Variants in CFAP47 observed in about 807,000 individuals in gnomAD.
CFAP47 encodes cilia and flagella associated protein 47.
In CFAP47, 29 loss-of-function variants were observed where a neutral mutation model predicts 148.1. The ratio of observed to expected loss-of-function variants is 0.20; its 90% CI spans 0.15 to 0.27. CFAP47 has a LOEUF of 0.27. CFAP47 is among the 10% of genes least tolerant of loss of function. The pLI, the probability that CFAP47 is intolerant of heterozygous loss-of-function variation, is 1.00. For missense variants in CFAP47, 1,872 were observed against 1,697.5 expected (o/e 1.10, Z -1.81); for synonymous variants, 664 against 577.3 (o/e 1.15, Z -2.15).
Position 36,371,796 on chromosome X carries a change from A to G in CFAP47, c.9185+4669A>G, listed in dbSNP as rs782617919. 6.3e-4 allele frequency among the ~76,000 whole-genome samples: 35 copies of G among 55,545 alleles called. 2 individuals are homozygous for G. Among genetic ancestry groups the G allele is most frequent in the Non-Finnish European group, 7.6e-4 (27 of 35,652 alleles). The allele number at this position is 55,545 out of a possible 115,157, so 48.2% of individuals were successfully genotyped here. A position where few individuals can be genotyped will look rare whatever the true frequency, so the allele number is the denominator to read the frequency against. On this transcript the variant is annotated intron_variant, in intron 62 of 63. Coordinates refer to ENST00000378653, the MANE Select transcript of CFAP47 (RefSeq NM_001304548.2). ...CACACATGTGTATATATGTGTGTAT[A>G]TACACACATGTATATATGTGTGCAT...
intron 18 of CFAP47, among the ~76,000 whole-genome samples, chrX:35,995,111 C>A (rs747104788): frequency 9.0e-6 from 1 of 110,500 alleles, no homozygotes; most frequent in Non-Finnish European, 1.9e-5. Context: ...TAAGAATAAG[C>A]CAGATTAAAA....
chrX:36,338,815 T>TA (rs1941629892), intron 57 of CFAP47, among the ~76,000 whole-genome samples: 1 of 112,014 alleles, frequency 8.9e-6, no homozygotes, highest in African/African-American at 3.2e-5. Context: ...CCCCTACAGA[T>TA]ATCTATGAGG....
chrX:36,228,631 C>T lies in CFAP47; in HGVS notation c.6821C>T (p.Ser2274Leu), dbSNP rs1940298796. 1.9e-6 allele frequency: 1 copy of T among 521,601 alleles called. No individual in the cohort carries two copies. The highest frequency in any genetic ancestry group is 3.5e-6 in the Non-Finnish European group (1 of 285,387). 43.0% of individuals were successfully genotyped at this position (521,601 alleles called of 1,213,427 possible). A position where few individuals can be genotyped will look rare whatever the true frequency, so the allele number is the denominator to read the frequency against. Residue 2274 changes from serine (S) to leucine (L), a missense_variant, in exon 46 of 64, where the codon TCA (serine) becomes TTA (leucine). By Grantham distance (145) the Ser-to-Leu change is moderately radical (BLOSUM62 -2). Coordinates refer to ENST00000378653, the MANE Select transcript of CFAP47 (RefSeq NM_001304548.2). ...TGTTTTAAAATTATTTTGATAGCTT[C>T]AGATGGATCTGTTCCACTTCCTTTG... ...QVIKLSKAKASDGSVPLPLQF... is the reference protein window; with the variant it reads ...QVIKLSKAKALDGSVPLPLQF...
chrX:36,180,968 G>A (rs983200025), intron 40 of CFAP47, among the ~76,000 whole-genome samples: 1 of 112,166 alleles, frequency 8.9e-6, no homozygotes, highest in Non-Finnish European at 1.9e-5. Context: ...AAACACTTCT[G>A]TAAACAGTTC....
intron 39 of CFAP47, among the ~76,000 whole-genome samples, chrX:36,169,813 A>T (rs1039111566): frequency 2.7e-5 from 3 of 111,622 alleles, no homozygotes; most frequent in Non-Finnish European, 3.8e-5. Context: ...TGCTGCAGCA[A>T]TCTCACACAT....
chrX:36,130,514 G>A (rs1938928143), intron 33 of CFAP47, among the ~76,000 whole-genome samples: 1 of 111,103 alleles, frequency 9.0e-6, no homozygotes, highest in Admixed American at 9.6e-5. Context: ...AGAACAGTTT[G>A]GAGGTTCCTC....
chrX:36,231,079 G>A (rs1469225011), intron 46 of CFAP47, among the ~76,000 whole-genome samples: 8 of 109,154 alleles, frequency 7.3e-5, no homozygotes, highest in African/African-American at 2.4e-4. Context: ...GCTTAGGATT[G>A]ACTTGGCAAT....
intron 37 of CFAP47, among the ~76,000 whole-genome samples, chrX:36,152,160 T>C (rs1334608479): frequency 2.7e-5 from 3 of 111,370 alleles, no homozygotes; most frequent in African/African-American, 9.8e-5. Context: ...ATAAAAATTA[T>C]ATATATTCAA....
At chrX:36,086,388 G>A (rs192326968) in intron 30 of CFAP47, among the ~76,000 whole-genome samples, 6 of 111,218 alleles carry the variant, frequency 5.4e-5, no homozygotes, top group African/African-American at 2.0e-4. Context: ...AATTAAAATG[G>A]CATTTATCAC....
chrX:35,988,730 A>G (rs1936751010), intron 15 of CFAP47, among the ~76,000 whole-genome samples: 1 of 112,139 alleles, frequency 8.9e-6, no homozygotes, highest in Non-Finnish European at 1.9e-5. Context: ...ATGAATCTAA[A>G]CAGATAAAAC....
chrX:35,992,218 TATTA>T (rs1424004197), intron 17 of CFAP47, among the ~76,000 whole-genome samples: 1 of 111,014 alleles, frequency 9.0e-6, no homozygotes, highest in Non-Finnish European at 1.9e-5. Context: ...AAATATACAT[TATTA>T]ATTAATGTTA....
chrX:36,186,358 G>A (rs146875720), intron 40 of CFAP47, among the ~76,000 whole-genome samples: 3,061 of 110,871 alleles, frequency 0.028, 47 homozygotes, highest in Middle Eastern at 0.042. Context: ...ACTGCTCAGG[G>A]GTCAAGGTGG....
chrX:36,375,087 A>G, intron 62 of CFAP47: 1 of 397,641 alleles, frequency 2.5e-6, no homozygotes. Context: ...CTGGATGATG[A>G]CTTTGGAGCA....
chrX:35,927,289 T>C (rs890539581), intron 2 of CFAP47, among the ~76,000 whole-genome samples: 1 of 111,827 alleles, frequency 8.9e-6, no homozygotes, highest in Non-Finnish European at 1.9e-5. Flanking sequence ...AATCAAACAG[T>C]AGACACATGG....
chrX:36,145,076 CGTGTGTGTGTGTGTGT>C, intron 35 of CFAP47, 127 bp from the exon 36 acceptor site: 2 of 295,771 alleles, frequency 6.8e-6, no homozygotes, highest in Non-Finnish European at 1.2e-5. Context: ...TATATATATG[CGTGTGTGTGTGTGTGT>C]GTGTGTGTGT....
rs1408729067 is a variant in CFAP47 at position 36,145,321 on chromosome X, G to A, written c.5638G>A (p.Glu1880Lys). 5 of 296,381 alleles carry A rather than the reference G, an allele frequency of 1.7e-5. No homozygotes were observed. Among genetic ancestry groups the A allele is most frequent in the Non-Finnish European group, 2.9e-5 (5 of 170,697 alleles). 24.4% of individuals were successfully genotyped at this position (296,381 alleles called of 1,213,427 possible). ...TYLPKKVVSFECTLHDTVLNK... is the reference protein window; with the variant it reads ...TYLPKKVVSFKCTLHDTVLNK... ...TCTCCCTAAGAAGGTGGTGTCCTTT[G>A]AATGTACTCTACATGACACGGTGCT... Residue 1880 changes from glutamate (E) to lysine (K), a missense_variant, in exon 36 of 64, where the codon GAA becomes AAA. Transcript: ENST00000378653.
At chrX:35,989,744 C>T (rs187199670) in intron 16 of CFAP47, 439 of 456,534 alleles carry the variant, frequency 9.6e-4, no homozygotes, top group Non-Finnish European at 1.1e-3. Context: ...TTTTCTGGTA[C>T]AGTCCAGAGG....
chrX:36,236,163 A>G (rs1188004511), intron 47 of CFAP47, 86 bp downstream of exon 47: 42 of 348,020 alleles, frequency 1.2e-4, no homozygotes, highest in African/African-American at 9.9e-4. Flanking sequence ...CTTTTAATTG[A>G]TAGTACAACT....
In CFAP47 at chrX:35,936,486, A is replaced by G. The variant is rs1475903072; in HGVS notation, c.402-4797A>G. 2.7e-4 allele frequency among the ~76,000 whole-genome samples: 28 copies of G among 105,531 alleles called. No homozygotes were observed. The Admixed American group carries it at 2.9e-3, about 11-fold the overall frequency. 91.6% of individuals were successfully genotyped at this position (105,531 alleles called of 115,157 possible). A position where few individuals can be genotyped will look rare whatever the true frequency, so the allele number is the denominator to read the frequency against. On this transcript the variant is annotated intron_variant, in intron 2 of 63. Coordinates refer to ENST00000378653, the MANE Select transcript of CFAP47 (RefSeq NM_001304548.2). ...GCAGTTGCTTTAAAATCCTTGCTAG[A>G]TAATTTCAACCTGAGGTTCATCTTG...
Sources: gnomAD v4.1 joint callset for allele counts (sites outside exome capture counted in the v4.1 genomes callset) on GRCh38, gnomAD v4.1.1 for gene constraint, MANE v1.5 for transcripts, NCBI Gene and HGNC (gene_info 2026-07-23, HGNC 2026-07-21) for gene names.